SYNPR: variants seen among roughly 807,000 people sequenced by gnomAD.
SYNPR encodes synaptoporin.
Under a neutral mutation model 32.9 loss-of-function variants are expected in SYNPR, and 23 were observed. The ratio of observed to expected loss-of-function variants is 0.70; its 90% confidence interval spans 0.50 to 0.99. The LOEUF is 0.99. Ranked by LOEUF, SYNPR falls within the 50% of genes least tolerant of loss-of-function variation. The probability of loss-of-function intolerance (pLI) is 0.00; values close to 1 mark genes in which losing one functional copy is unlikely to be tolerated. For missense variants in SYNPR, 318 were observed against 349.3 expected (o/e 0.91, Z 0.71); for synonymous variants, 146 against 135.9 (o/e 1.07, Z -0.52).
chr3:63,572,729 G>A (rs543691688), intron 4 of SYNPR, among the ~76,000 whole-genome samples: 25 of 152,260 alleles, frequency 1.6e-4, no homozygotes, highest in South Asian at 4.1e-4. Flanking sequence ...TAAATCAACC[G>A]AAGTCAAAGC....
chr3:63,403,375 AAT>A (rs772153228), intron 2 of SYNPR, among the ~76,000 whole-genome samples: 6 of 150,568 alleles, frequency 4.0e-5, no homozygotes, highest in Non-Finnish European at 5.9e-5. Flanking sequence ...CTTTTATATA[AAT>A]ATATATATAT....
At chr3:63,595,892 TTTATATATATAG>T (rs1468677953) in intron 4 of SYNPR, among the ~76,000 whole-genome samples, 85 of 92,666 alleles carry the variant, frequency 9.2e-4, no homozygotes, top group Admixed American at 1.4e-3. Context: ...TATATATAGT[TTTATATATATAG>T]TTATATATAT....
intron 2 of SYNPR, among the ~76,000 whole-genome samples, chr3:63,332,929 G>A (rs549018937): frequency 6.6e-6 from 1 of 152,166 alleles, no homozygotes; most frequent in Admixed American, 6.5e-5. Context: ...GGCATCCCAG[G>A]CCTCTGCTCA....
chr3:63,355,738 C>G (rs2087568673), intron 2 of SYNPR, among the ~76,000 whole-genome samples: 1 of 152,134 alleles, frequency 6.6e-6, no homozygotes, highest in Non-Finnish European at 1.5e-5. Flanking sequence ...CCTTCTCTGC[C>G]ACACAGCCTT....
At chr3:63,544,835 C>CA (rs1702372091) in intron 3 of SYNPR, among the ~76,000 whole-genome samples, 1 of 151,876 alleles carries the variant, frequency 6.6e-6, no homozygotes, top group African/African-American at 2.4e-5. Context: ...ATTCACGCAC[C>CA]ATGACAAGTA....
intron 4 of SYNPR, among the ~76,000 whole-genome samples, chr3:63,563,812 G>A (rs1226568320): frequency 2.0e-5 from 3 of 152,032 alleles, no homozygotes; most frequent in Non-Finnish European, 2.9e-5. Context: ...TAGAGGAGGA[G>A]GTGCATAATC....
intron 2 of SYNPR, among the ~76,000 whole-genome samples, chr3:63,409,757 G>A (rs1484413396): frequency 6.6e-6 from 1 of 152,070 alleles, no homozygotes; most frequent in Non-Finnish European, 1.5e-5. Context: ...AAAAGTTAAG[G>A]CCATCATTTC....
intron 5 of SYNPR, among the ~76,000 whole-genome samples, chr3:63,613,732 T>C (rs755187099): frequency 3.3e-4 from 50 of 151,452 alleles, no homozygotes; most frequent in Non-Finnish European, 4.7e-4. Flanking sequence ...TCCAGCACTG[T>C]CCAGCTACTT....
chr3:63,439,980 A>G (rs982798956), intron 2 of SYNPR, among the ~76,000 whole-genome samples: 2 of 152,208 alleles, frequency 1.3e-5, no homozygotes, highest in African/African-American at 4.8e-5. Context: ...AGCAAAACAA[A>G]CAAGTTTCCT....
At chr3:63,609,633 G>A (rs765924827) in intron 5 of SYNPR, among the ~76,000 whole-genome samples, 3 of 152,156 alleles carry the variant, frequency 2.0e-5, no homozygotes, top group African/African-American at 4.8e-5. Context: ...TTGGCCGGAC[G>A]CAATGGCTCA....
At chr3:63,440,176 A>T (rs1575645000) in intron 2 of SYNPR, among the ~76,000 whole-genome samples, 1 of 152,332 alleles carries the variant, frequency 6.6e-6, no homozygotes, top group East Asian at 1.9e-4. Flanking sequence ...AGAACTAACA[A>T]CTGAGTGGCA....
At chr3:63,314,170 T>C (rs1472915322) in intron 2 of SYNPR, among the ~76,000 whole-genome samples, 2 of 148,546 alleles carry the variant, frequency 1.3e-5, no homozygotes, top group Non-Finnish European at 3.0e-5. Context: ...TTGTGAATTG[T>C]GCCACTATAA....
chr3:63,285,722 A>C (rs960002939), intron 2 of SYNPR, among the ~76,000 whole-genome samples: 5 of 152,178 alleles, frequency 3.3e-5, no homozygotes, highest in African/African-American at 1.2e-4. Flanking sequence ...AATGCTTCTT[A>C]TGGATTTGAA....
chr3:63,328,197 C>A (rs1441598304), intron 2 of SYNPR, among the ~76,000 whole-genome samples: 2 of 152,086 alleles, frequency 1.3e-5, no homozygotes, highest in African/African-American at 2.4e-5. Flanking sequence ...AAAAATTCAA[C>A]ACACTCTCAG....
intron 2 of SYNPR, among the ~76,000 whole-genome samples, chr3:63,321,355 G>A (rs1245804925): frequency 2.6e-5 from 4 of 152,012 alleles, no homozygotes; most frequent in Non-Finnish European, 5.9e-5. Context: ...AAGAAAGTAT[G>A]TTTTATTCTC....
intron 2 of SYNPR, among the ~76,000 whole-genome samples, chr3:63,429,456 C>T (rs1394467052): frequency 6.6e-6 from 1 of 152,190 alleles, no homozygotes. Flanking sequence ...CTGGCACCAT[C>T]TTAGGACTGC....
rs533543030 is a variant in SYNPR at position 63,539,930 on chromosome 3, G to A, written c.210-16613G>A. Among the ~76,000 whole-genome samples, 10 of 152,196 alleles carry A rather than the reference G, an allele frequency of 6.6e-5. No homozygotes were observed. In the East Asian group the frequency reaches 1.6e-3, roughly 24 times the overall value. On this transcript the variant is annotated intron_variant, in intron 3 of 5. Coordinates refer to ENST00000478300, the MANE Select transcript of SYNPR (RefSeq NM_001130003.2). Reference sequence around the variant, plus strand: ...GGGTTTTAGGGCTGAATCCAAAAATGTTAACTTTCCCACACTTCCAGCTGT... The same window carrying A: ...GGGTTTTAGGGCTGAATCCAAAAATATTAACTTTCCCACACTTCCAGCTGT...
intron 1 of SYNPR, among the ~76,000 whole-genome samples, chr3:63,231,502 T>C (rs925236024): frequency 6.6e-6 from 1 of 152,142 alleles, no homozygotes; most frequent in Non-Finnish European, 1.5e-5. Flanking sequence ...GGGGGAAATA[T>C]TCAACTACTG....
At chr3:63,265,240 T>A (rs1244304905) in intron 2 of SYNPR, among the ~76,000 whole-genome samples, 3 of 114,710 alleles carry the variant, frequency 2.6e-5, no homozygotes, top group Non-Finnish European at 5.3e-5. Context: ...CTAATGACAT[T>A]CTTTTTTTTT....
Sources: allele counts gnomAD v4.1 joint callset (sites outside exome capture counted in the v4.1 genomes callset), GRCh38; gene constraint gnomAD v4.1.1; transcripts MANE v1.5; gene names NCBI Gene and HGNC (gene_info 2026-07-23, HGNC 2026-07-21).